Variants in ABL2 observed in about 807,000 individuals in gnomAD.
The protein encoded by ABL2 is tyrosine-protein kinase ABL2.
Under a neutral mutation model 107.7 loss-of-function variants are expected in ABL2, and 49 were observed. The observed-to-expected ratio is 0.45, with a 90% CI of 0.36 to 0.58. The LOEUF (loss-of-function observed/expected upper bound fraction) is 0.58. ABL2 is among the 20% of genes least tolerant of loss of function. The pLI is 0.00. For missense variants in ABL2, 1,245 were observed against 1,457.0 expected (o/e 0.85, Z 2.37); for synonymous variants, 549 against 548.6 (o/e 1.00, Z -0.01).
chr1:179,169,084 T>C (rs1190556063), intron 1 of ABL2, among the ~76,000 whole-genome samples: 1 of 152,090 alleles, frequency 6.6e-6, no homozygotes, highest in Non-Finnish European at 1.5e-5. Context: ...TTTTCTCCCA[T>C]TTTCTGCTTG....
chr1:179,174,454 C>CA (rs1258813543), intron 1 of ABL2, among the ~76,000 whole-genome samples: 6 of 149,784 alleles, frequency 4.0e-5, no homozygotes, highest in African/African-American at 1.2e-4. Flanking sequence ...ACTAAAACTA[C>CA]AAAAAATTAG....
At chr1:179,137,357 C>CA (rs1330404472) in intron 1 of ABL2, among the ~76,000 whole-genome samples, 8 of 151,606 alleles carry the variant, frequency 5.3e-5, no homozygotes, top group Non-Finnish European at 8.8e-5. Context: ...AAAAAAATGC[C>CA]AAAAAAAGTA....
At chr1:179,141,686 A>C (rs1240992976) in intron 1 of ABL2, among the ~76,000 whole-genome samples, 1 of 152,098 alleles carries the variant, frequency 6.6e-6, no homozygotes, top group Admixed American at 6.5e-5. Context: ...AAAAGATCTT[A>C]TTTCCTTCCT....
Position 179,110,461 on chromosome 1 carries a change from A to G in ABL2, c.1652-6T>C. On this transcript the variant is annotated splice_polypyrimidine_tract_variant and splice_region_variant and intron_variant, in intron 10 of 11. Coordinates refer to ENST00000502732, the MANE Select transcript of ABL2 (RefSeq NM_007314.4). The stretch of plus-strand genomic sequence containing the variant: ...CCCAAGCTCCTCAGCTACCTCTGTG[A>G]GGAAGACAAGGGGACCAATAAAAAG... 6.2e-7 allele frequency: 1 copy of G among 1,601,390 alleles called. No homozygotes were observed. The highest frequency in any genetic ancestry group is 8.5e-7 in the Non-Finnish European group (1 of 1,176,662).
At chr1:179,130,203 A>C (rs1402656093) in intron 3 of ABL2, among the ~76,000 whole-genome samples, 3 of 152,158 alleles carry the variant, frequency 2.0e-5, no homozygotes, top group Admixed American at 6.6e-5. Context: ...CGGCTTCCCA[A>C]AGTGCTAGAT....
In ABL2 at chr1:179,229,308, G is replaced by A; in HGVS notation, c.90C>T (p.Pro30=). The change falls in exon 1 of 12, where the codon CCC becomes CCT. Residue 30 remains proline (P), a synonymous_variant. Coordinates refer to ENST00000502732, the MANE Select transcript of ABL2 (RefSeq NM_007314.4). The part of the protein sequence containing the change: ...RGIRGSSAAR[P]SGRRRDPAGR... ...CCGCCGGGTCCCGCCTGCGGCCGGA[G>A]GGCCTGGCTGCACTGCTGCCCCGGA... is the stretch of plus-strand genomic sequence containing the variant. 3 of 1,583,350 alleles carry A rather than the reference G, an allele frequency of 1.9e-6. No homozygotes were observed. Among genetic ancestry groups the A allele is most frequent in the Non-Finnish European group, 2.6e-6 (3 of 1,167,124 alleles).
intron 1 of ABL2, among the ~76,000 whole-genome samples, chr1:179,221,460 G>A (rs112737875): frequency 2.0e-5 from 3 of 152,130 alleles, no homozygotes; most frequent in Non-Finnish European, 2.9e-5. Context: ...GCATGGTGAC[G>A]TGTGCCTGTA....
intron 1 of ABL2, among the ~76,000 whole-genome samples, chr1:179,136,710 A>AAATT: frequency 6.7e-5 from 1 of 14,842 alleles, no homozygotes; most frequent in Admixed American, 1.1e-3. Flanking sequence ...GATCAATAAA[A>AAATT]AATAAATAAA....
At chr1:179,131,254 A>C in intron 3 of ABL2, 57 bp downstream of exon 3, 4 of 1,568,556 alleles carry the variant, frequency 2.6e-6, no homozygotes, top group Non-Finnish European at 2.6e-6. Flanking sequence ...AGGCCCCTTT[A>C]TCTCTTAATC....
In ABL2 at chr1:179,117,423, A is replaced by T; in HGVS notation, c.1317T>A (p.Tyr439Ter). 6.2e-7 allele frequency: 1 copy of T among 1,614,216 alleles called. No homozygotes were observed. Among genetic ancestry groups the T allele is most frequent in the Non-Finnish European group, 8.5e-7 (1 of 1,180,020 alleles). The change falls in exon 8 of 12, where the codon TAT becomes TAA. Residue 439 changes from tyrosine (Y) to a stop codon, truncating the protein, a stop_gained. Coordinates refer to ENST00000502732, the MANE Select transcript of ABL2 (RefSeq NM_007314.4). LOFTEE classifies it high-confidence loss of function. ...GAAATTTGGCTCCAGCATGAGCAGT[A>T]TAAGTGTCTCCAGTCATCAATCTAC... ...GLSRLMTGDT[Y>*]TAHAGAKFPI...
At chr1:179,112,721 C>G (rs1654207687) in intron 9 of ABL2, among the ~76,000 whole-genome samples, 1 of 151,650 alleles carries the variant, frequency 6.6e-6, no homozygotes, top group African/African-American at 2.4e-5. Flanking sequence ...CCCCAAGTAG[C>G]TGGGACTATG....
chr1:179,135,836 T>G (rs1244989738), intron 1 of ABL2, among the ~76,000 whole-genome samples: 7 of 104,192 alleles, frequency 6.7e-5, no homozygotes, highest in African/African-American at 1.9e-4. Flanking sequence ...GGTGGGGGGG[T>G]CAGCCCCCAG....
intron 1 of ABL2, among the ~76,000 whole-genome samples, chr1:179,195,428 G>A (rs759012495): frequency 8.5e-5 from 13 of 152,152 alleles, no homozygotes; most frequent in Non-Finnish European, 1.5e-4. Context: ...CATTATTGGT[G>A]GGAATATAAA....
intron 1 of ABL2, among the ~76,000 whole-genome samples, chr1:179,191,025 C>T (rs1228926385): frequency 6.6e-6 from 1 of 152,182 alleles, no homozygotes; most frequent in Admixed American, 6.5e-5. Flanking sequence ...ACTTCCCCTT[C>T]TAACCACAGC....
chr1:179,220,623 T>A (rs564303752), intron 1 of ABL2, among the ~76,000 whole-genome samples: 1 of 152,226 alleles, frequency 6.6e-6, no homozygotes. Flanking sequence ...AAAACAAACT[T>A]CAGCTAGTGC....
At chr1:179,217,457 C>A (rs573646492) in intron 1 of ABL2, among the ~76,000 whole-genome samples, 14 of 151,960 alleles carry the variant, frequency 9.2e-5, no homozygotes, top group Non-Finnish European at 1.9e-4. Flanking sequence ...GAAACCCCAT[C>A]TCTACTAAAA....
In ABL2 at chr1:179,110,589, T is replaced by C. The variant is rs1178980323; in HGVS notation, c.1652-134A>G. The C allele has an allele frequency of 4.0e-6, 6 of 1,500,114 alleles. No homozygotes were observed. The East Asian group carries it at 1.2e-4, about 29-fold the overall frequency. The allele number at this position is 1,500,114 out of a possible 1,614,324, so 92.9% of individuals were successfully genotyped here. On this transcript the variant is annotated intron_variant, in intron 10 of 11. Coordinates refer to ENST00000502732, the MANE Select transcript of ABL2 (RefSeq NM_007314.4). ...AAAATACATACACGGAATCATAAAG[T>C]ATGTACTCTTTTGTCTGGCTTCTTT...
At chr1:179,110,588 G>A in intron 10 of ABL2, 133 bp from the exon 11 acceptor site, 4 of 1,501,382 alleles carry the variant, frequency 2.7e-6, no homozygotes, top group Non-Finnish European at 3.5e-6. Flanking sequence ...GAATCATAAA[G>A]TATGTACTCT....
chr1:179,117,608 G>T, intron 7 of ABL2, 92 bp from the exon 8 acceptor site: 2 of 1,288,550 alleles, frequency 1.6e-6, no homozygotes, highest in Non-Finnish European at 2.2e-6. Flanking sequence ...TATAGGCAGA[G>T]TTAAGTAAGT....
Sources: allele counts gnomAD v4.1 joint callset (sites outside exome capture counted in the v4.1 genomes callset), GRCh38; gene constraint gnomAD v4.1.1; transcripts MANE v1.5; gene names NCBI Gene and HGNC (gene_info 2026-07-23, HGNC 2026-07-21).